The following AK9 variants were observed in gnomAD, a reference collection of about 807,000 sequenced individuals.
The protein encoded by AK9 is adenylate kinase domain containing 1.
Under a neutral mutation model 239.6 loss-of-function variants are expected in AK9, and 191 were observed. That is an observed-to-expected ratio of 0.80 (90% confidence interval 0.71 to 0.90). The LOEUF (loss-of-function observed/expected upper bound fraction) is 0.90, where lower values mean the gene tolerates loss of function less well. AK9 is among the 40% of genes least tolerant of loss of function. The probability of loss-of-function intolerance (pLI) is 0.00; values close to 1 mark genes in which losing one functional copy is unlikely to be tolerated. For missense variants in AK9, 1,995 were observed against 2,214.7 expected (o/e 0.90, Z 1.99); for synonymous variants, 689 against 721.0 (o/e 0.96, Z 0.71).
chr6:109,651,525 A>C (rs1057183747), intron 8 of AK9, among the ~76,000 whole-genome samples: 2 of 152,232 alleles, frequency 1.3e-5, no homozygotes, highest in Admixed American at 1.3e-4. Flanking sequence ...AAGCAAGAGC[A>C]AACAAATTCA....
intron 28 of AK9, among the ~76,000 whole-genome samples, chr6:109,529,458 C>G (rs1780954995): frequency 6.6e-6 from 1 of 152,118 alleles, no homozygotes; most frequent in African/African-American, 2.4e-5. Context: ...ATAGCGATCC[C>G]CAACCATTTT....
chr6:109,496,073 T>G (rs11153183), intron 38 of AK9, among the ~76,000 whole-genome samples: 52,518 of 152,090 alleles, frequency 0.35, 9,536 homozygotes, highest in South Asian at 0.44. Flanking sequence ...AATTAAAACT[T>G]CTTCAAACAG....
chr6:109,607,337 C>T (rs1467871424), intron 17 of AK9, among the ~76,000 whole-genome samples: 1 of 152,084 alleles, frequency 6.6e-6, no homozygotes, highest in Non-Finnish European at 1.5e-5. Flanking sequence ...TGCATCTGTG[C>T]ATTCAACCAA....
Position 109,641,518 on chromosome 6 carries a change from AT to A in AK9, c.932del (p.Asn311MetfsTer31). On this transcript the variant is annotated frameshift_variant and splice_region_variant, in exon 10 of 41. Coordinates refer to ENST00000424296, the MANE Select transcript of AK9 (RefSeq NM_001145128.3). LOFTEE classifies it high-confidence loss of function. ...AEEEINDTME[N>X]DELFRTLASY... is the part of the protein sequence containing the mutation. The stretch of plus-strand genomic sequence containing the variant: ...TTTCAGACAGTTCCATATAACTTAC[AT>A]TTTCCATTGTGTCATTAATTTCTTC... 6.2e-7 allele frequency: 1 copy of A among 1,609,376 alleles called. No individual in the cohort carries two copies. Among genetic ancestry groups the A allele is most frequent in the East Asian group, 2.2e-5 (1 of 44,812 alleles).
intron 8 of AK9, among the ~76,000 whole-genome samples, chr6:109,647,286 A>G (rs1261021959): frequency 2.6e-5 from 4 of 152,238 alleles, no homozygotes; most frequent in Non-Finnish European, 4.4e-5. Flanking sequence ...TAAAAGACAC[A>G]GATTGGCAAA....
intron 12 of AK9, among the ~76,000 whole-genome samples, chr6:109,626,321 C>G (rs1795521639): frequency 6.6e-6 from 1 of 152,084 alleles, no homozygotes; most frequent in Non-Finnish European, 1.5e-5. Flanking sequence ...CTATTGTCTC[C>G]TTTTTTCTTG....
chr6:109,527,453 G>A (rs1219273394), intron 29 of AK9, among the ~76,000 whole-genome samples: 1 of 152,194 alleles, frequency 6.6e-6, no homozygotes, highest in African/African-American at 2.4e-5. Flanking sequence ...ATGGAAGTGA[G>A]CTCCAGTATA....
intron 8 of AK9, among the ~76,000 whole-genome samples, chr6:109,649,495 G>A (rs1220001846): frequency 2.0e-5 from 3 of 152,110 alleles, no homozygotes; most frequent in Non-Finnish European, 2.9e-5. Flanking sequence ...TTGCTTCGAA[G>A]AGAATAAAAT....
intron 12 of AK9, among the ~76,000 whole-genome samples, chr6:109,622,199 A>G (rs1043494594): frequency 6.9e-6 from 1 of 145,266 alleles, no homozygotes; most frequent in Admixed American, 7.0e-5. Flanking sequence ...TAATATACAT[A>G]TTGTATATAT....
chr6:109,631,312 T>C (rs1796064728), intron 12 of AK9, among the ~76,000 whole-genome samples: 1 of 151,850 alleles, frequency 6.6e-6, no homozygotes, highest in South Asian at 2.1e-4. Context: ...AACTTGTATA[T>C]AGATAATATT....
chr6:109,518,054 C>T (rs997125048), intron 29 of AK9, among the ~76,000 whole-genome samples: 2 of 152,126 alleles, frequency 1.3e-5, no homozygotes, highest in Non-Finnish European at 1.5e-5. Context: ...TCTCCACTGT[C>T]TGCCTTCACA....
chr6:109,500,283 GT>G (rs1777480819), intron 35 of AK9, among the ~76,000 whole-genome samples: 1 of 152,096 alleles, frequency 6.6e-6, no homozygotes, highest in South Asian at 2.1e-4. Flanking sequence ...TAAAAAGAAA[GT>G]GCCCAAGTTC....
At chr6:109,678,102 C>T (rs778802615) in intron 1 of AK9, among the ~76,000 whole-genome samples, 4 of 152,184 alleles carry the variant, frequency 2.6e-5, no homozygotes, top group Non-Finnish European at 4.4e-5. Flanking sequence ...CACGTAAAAA[C>T]ATATACATTA....
intron 1 of AK9, among the ~76,000 whole-genome samples, chr6:109,682,984 A>G (rs948359150): frequency 1.3e-5 from 2 of 152,260 alleles, no homozygotes; most frequent in African/African-American, 4.8e-5. Context: ...ATGAACATCA[A>G]TGCAAAAATC....
intron 12 of AK9, among the ~76,000 whole-genome samples, chr6:109,630,924 A>C (rs1298433355): frequency 6.6e-6 from 1 of 152,164 alleles, no homozygotes; most frequent in Non-Finnish European, 1.5e-5. Flanking sequence ...GATATAAGAC[A>C]AAGGGGACAA....
At position 109,550,943 on chromosome 6, in the gene AK9, AG is replaced by A. The variant is rs1344463890; in HGVS notation, c.2752-642del. Among the ~76,000 whole-genome samples the A allele has an allele frequency of 3.9e-5, 6 of 152,176 alleles. No homozygotes were observed. In the East Asian group the frequency reaches 9.6e-4, roughly 24 times the overall value. ...TCAAAACACATCACAATGTATAAAA[AG>A]TGAAAATCTCTTTTCACCGTTTTTC... On this transcript the variant is annotated intron_variant, in intron 24 of 40. Coordinates refer to ENST00000424296, the MANE Select transcript of AK9 (RefSeq NM_001145128.3).
intron 23 of AK9, among the ~76,000 whole-genome samples, 154 bp downstream of exon 23, chr6:109,563,926 C>T (rs112088746): frequency 4.6e-5 from 7 of 152,170 alleles, no homozygotes; most frequent in African/African-American, 1.7e-4. Context: ...TTGGTCAGGA[C>T]CTGCACAGTG....
intron 13 of AK9, among the ~76,000 whole-genome samples, chr6:109,615,941 A>G (rs780355428): frequency 6.6e-6 from 1 of 151,930 alleles, no homozygotes; most frequent in Non-Finnish European, 1.5e-5. Context: ...AAAAAATGTT[A>G]TAAGAATAAT....
At chr6:109,614,050 G>A in intron 15 of AK9, 133 bp downstream of exon 15, 1 of 758,492 alleles carries the variant, frequency 1.3e-6, no homozygotes, top group Non-Finnish European at 2.1e-6. Context: ...AATCCATAAG[G>A]AAATATTTAG....
Sources: gnomAD v4.1 joint callset for allele counts (sites outside exome capture counted in the v4.1 genomes callset) on GRCh38, gnomAD v4.1.1 for gene constraint, MANE v1.5 for transcripts, NCBI Gene and HGNC (gene_info 2026-07-23, HGNC 2026-07-21) for gene names.